KCNIP1: variants seen among roughly 807,000 people sequenced by gnomAD.
The protein encoded by KCNIP1 is A-type potassium channel modulatory protein KCNIP1.
In KCNIP1, 18 loss-of-function variants were observed where a neutral mutation model predicts 33.0. The ratio of observed to expected loss-of-function variants is 0.55; its 90% CI spans 0.38 to 0.81. The LOEUF (loss-of-function observed/expected upper bound fraction) is 0.81. KCNIP1 is among the 30% of genes least tolerant of loss of function. The pLI, the probability that KCNIP1 is intolerant of heterozygous loss-of-function variation, is 0.00. For missense variants in KCNIP1, 238 were observed against 271.6 expected (o/e 0.88, Z 0.87); for synonymous variants, 93 against 98.3 (o/e 0.95, Z 0.32).
intron 1 of KCNIP1, among the ~76,000 whole-genome samples, chr5:170,373,334 T>C (rs114257999): frequency 0.014 from 2,094 of 152,256 alleles, 19 homozygotes; most frequent in Middle Eastern, 0.054. Context: ...AGCCTCACAT[T>C]TCTACAGGGC....
At chr5:170,390,412 A>G (rs999377377) in intron 1 of KCNIP1, among the ~76,000 whole-genome samples, 1 of 150,714 alleles carries the variant, frequency 6.6e-6, no homozygotes, top group Non-Finnish European at 1.5e-5. Context: ...AGGCTGAGGC[A>G]GGAGAATCGC....
chr5:170,470,441 G>A (rs1351945754), intron 1 of KCNIP1, among the ~76,000 whole-genome samples: 6 of 151,854 alleles, frequency 4.0e-5, no homozygotes, highest in Non-Finnish European at 7.4e-5. Flanking sequence ...TCTTGTTACC[G>A]AACTGATCTT....
chr5:170,467,494 A>T (rs1406328294), intron 1 of KCNIP1, among the ~76,000 whole-genome samples: 1 of 152,138 alleles, frequency 6.6e-6, no homozygotes, highest in Non-Finnish European at 1.5e-5. Context: ...GGAAAGAAGG[A>T]GAGGCTGGTG....
intron 1 of KCNIP1, among the ~76,000 whole-genome samples, chr5:170,695,588 A>T (rs1238365812): frequency 6.6e-6 from 1 of 152,200 alleles, no homozygotes; most frequent in Non-Finnish European, 1.5e-5. Context: ...TCATTGTGTG[A>T]CTATTTTAAC....
intron 1 of KCNIP1, among the ~76,000 whole-genome samples, chr5:170,495,025 C>A (rs1338514615): frequency 6.6e-6 from 1 of 152,178 alleles, no homozygotes; most frequent in East Asian, 1.9e-4. Context: ...CTCTGATGTA[C>A]CAGAAAGTTA....
At chr5:170,542,549 T>C (rs1369690661) in intron 1 of KCNIP1, among the ~76,000 whole-genome samples, 7 of 151,318 alleles carry the variant, frequency 4.6e-5, no homozygotes, top group Non-Finnish European at 8.9e-5. Flanking sequence ...TATAATAGAA[T>C]ACCTTAGATT....
At chr5:170,590,675 C>T (rs1758215736) in intron 1 of KCNIP1, among the ~76,000 whole-genome samples, 1 of 152,202 alleles carries the variant, frequency 6.6e-6, no homozygotes, top group East Asian at 1.9e-4. Context: ...CTGGGACTGT[C>T]TCCATTTCAA....
chr5:170,410,426 C>A (rs1241952561), intron 1 of KCNIP1, among the ~76,000 whole-genome samples: 1 of 152,248 alleles, frequency 6.6e-6, no homozygotes, highest in Non-Finnish European at 1.5e-5. Flanking sequence ...CCGGGTCCCC[C>A]ACACAGGGGA....
At chr5:170,516,066 G>T (rs190596676) in intron 1 of KCNIP1, among the ~76,000 whole-genome samples, 269 of 152,284 alleles carry the variant, frequency 1.8e-3, no homozygotes, top group African/African-American at 6.1e-3. Flanking sequence ...ACAGAAAGAG[G>T]ATGCCATCAG....
intron 1 of KCNIP1, among the ~76,000 whole-genome samples, chr5:170,677,639 T>C (rs1419826404): frequency 6.6e-6 from 1 of 152,162 alleles, no homozygotes; most frequent in Non-Finnish European, 1.5e-5. Flanking sequence ...TTTGTCAAGA[T>C]GCAAGGACCT....
intron 1 of KCNIP1, among the ~76,000 whole-genome samples, chr5:170,693,304 G>A (rs939314019): frequency 4.6e-5 from 7 of 152,104 alleles, no homozygotes; most frequent in East Asian, 1.9e-4. Flanking sequence ...CTGACACCAC[G>A]TAGAATGACC....
At chr5:170,720,915 G>A (rs1205041199) in intron 3 of KCNIP1, among the ~76,000 whole-genome samples, 2 of 152,230 alleles carry the variant, frequency 1.3e-5, no homozygotes, top group African/African-American at 2.4e-5. Context: ...GAAACATAAA[G>A]TTGTGCTTAT....
intron 1 of KCNIP1, among the ~76,000 whole-genome samples, chr5:170,399,224 C>G (rs314132): frequency 9.9e-5 from 15 of 152,146 alleles, no homozygotes; most frequent in Non-Finnish European, 2.1e-4. Flanking sequence ...TTAAGATATC[C>G]GGACATTGTA....
intron 1 of KCNIP1, among the ~76,000 whole-genome samples, chr5:170,519,879 G>A (rs894007648): frequency 3.3e-5 from 5 of 152,098 alleles, no homozygotes; most frequent in Admixed American, 6.5e-5. Flanking sequence ...TGTTGTGATT[G>A]TTCTTATTGT....
intron 1 of KCNIP1, among the ~76,000 whole-genome samples, chr5:170,547,008 A>G (rs936604960): frequency 8.5e-5 from 13 of 152,212 alleles, no homozygotes; most frequent in Non-Finnish European, 1.9e-4. Flanking sequence ...CATTCTTGAA[A>G]TGTAATTTCA....
chr5:170,605,453 C>G (rs1177327271), intron 1 of KCNIP1, among the ~76,000 whole-genome samples: 4 of 152,176 alleles, frequency 2.6e-5, no homozygotes, highest in Admixed American at 2.6e-4. Context: ...ACTATTTTAA[C>G]CATTTTAAAG....
intron 1 of KCNIP1, among the ~76,000 whole-genome samples, chr5:170,431,199 T>G (rs1193543380): frequency 6.6e-6 from 1 of 152,252 alleles, no homozygotes; most frequent in East Asian, 1.9e-4. Flanking sequence ...CAAGCTAGGC[T>G]GGCGGAGGAG....
At chr5:170,657,854 G>A (rs1367469680) in intron 1 of KCNIP1, among the ~76,000 whole-genome samples, 1 of 152,204 alleles carries the variant, frequency 6.6e-6, no homozygotes, top group Admixed American at 6.5e-5. Context: ...ACCCATGCCA[G>A]ACCTGCTGCT....
At chr5:170,567,328 G>T (rs1349256488) in intron 1 of KCNIP1, among the ~76,000 whole-genome samples, 1 of 152,190 alleles carries the variant, frequency 6.6e-6, no homozygotes, top group Non-Finnish European at 1.5e-5. Context: ...TCGCTGGGGA[G>T]AAACCCTGAT....
Sources: gnomAD v4.1 joint callset for allele counts (sites outside exome capture counted in the v4.1 genomes callset) on GRCh38, gnomAD v4.1.1 for gene constraint, MANE v1.5 for transcripts, NCBI Gene and HGNC (gene_info 2026-07-23, HGNC 2026-07-21) for gene names.